ZBTB20: variants seen among roughly 807,000 people sequenced by gnomAD.
ZBTB20 encodes zinc finger and BTB domain containing 20.
A neutral mutation model predicts 56.9 loss-of-function variants in ZBTB20; 9 were observed. The ratio of observed to expected loss-of-function variants is 0.16; its 90% CI spans 0.10 to 0.28. ZBTB20 has a LOEUF of 0.28. ZBTB20 is among the 10% of genes least tolerant of loss of function. The pLI is 1.00. For synonymous variants in ZBTB20, 417 were observed against 420.7 expected, an observed-to-expected ratio of 0.99 and a Z score of 0.11; for missense variants, 655 against 1,003.0, an observed-to-expected ratio of 0.65 and a Z score of 4.69.
intron 4 of ZBTB20, among the ~76,000 whole-genome samples, chr3:114,892,445 T>C (rs919200590): frequency 1.3e-5 from 2 of 152,184 alleles, no homozygotes; most frequent in African/African-American, 4.8e-5. Context: ...TTTTTTGGAT[T>C]TGCATGGTCA....
At chr3:115,129,168 TGAA>T (rs2084429560) in intron 1 of ZBTB20, among the ~76,000 whole-genome samples, 1 of 152,184 alleles carries the variant, frequency 6.6e-6, no homozygotes, top group African/African-American at 2.4e-5. Flanking sequence ...ATAGAGAATC[TGAA>T]GAAGATTAAA....
chr3:114,863,151 C>T (rs952725520), intron 4 of ZBTB20, among the ~76,000 whole-genome samples: 16 of 151,942 alleles, frequency 1.1e-4, no homozygotes, highest in African/African-American at 3.4e-4. Flanking sequence ...TCTGAGTAGC[C>T]AGGAGGACAT....
intron 3 of ZBTB20, among the ~76,000 whole-genome samples, chr3:114,926,082 C>T (rs2076146869): frequency 6.6e-6 from 1 of 152,166 alleles, no homozygotes; most frequent in Non-Finnish European, 1.5e-5. Context: ...CACACAATAT[C>T]CCATCTCTGT....
chr3:114,719,862 T>A (rs1314528193), intron 5 of ZBTB20, among the ~76,000 whole-genome samples: 1 of 151,992 alleles, frequency 6.6e-6, no homozygotes, highest in East Asian at 1.9e-4. Context: ...TTCCTGTCAG[T>A]ATGTCAAATA....
At chr3:114,741,580 C>G (rs747915405) in intron 5 of ZBTB20, among the ~76,000 whole-genome samples, 3 of 151,986 alleles carry the variant, frequency 2.0e-5, no homozygotes, top group African/African-American at 7.3e-5. Flanking sequence ...GGCTTCTCTA[C>G]GACATACAGA....
intron 4 of ZBTB20, among the ~76,000 whole-genome samples, chr3:114,844,534 A>AC (rs1560313138): frequency 1.4e-5 from 2 of 140,232 alleles, no homozygotes; most frequent in Non-Finnish European, 3.1e-5. Flanking sequence ...AAAAAAAAAA[A>AC]AAAAAAAAAA....
At chr3:114,474,081 C>T (rs913348667) in intron 7 of ZBTB20, among the ~76,000 whole-genome samples, 7 of 152,190 alleles carry the variant, frequency 4.6e-5, no homozygotes, top group African/African-American at 1.7e-4. Flanking sequence ...ACCATCAGAT[C>T]TCTTGAGACT....
intron 5 of ZBTB20, among the ~76,000 whole-genome samples, chr3:114,735,727 T>C (rs2066102601): frequency 6.6e-6 from 1 of 152,178 alleles, no homozygotes; most frequent in Non-Finnish European, 1.5e-5. Flanking sequence ...TTATAATAAT[T>C]GTATAACTTA....
intron 5 of ZBTB20, among the ~76,000 whole-genome samples, chr3:114,774,377 C>T (rs1235420273): frequency 6.6e-6 from 1 of 152,138 alleles, no homozygotes; most frequent in Non-Finnish European, 1.5e-5. Flanking sequence ...CTTTTGTCTT[C>T]CATGGAGGCC....
intron 7 of ZBTB20, among the ~76,000 whole-genome samples, chr3:114,402,507 TGCATGCCATATG>T (rs2086911177): frequency 6.6e-6 from 1 of 152,190 alleles, no homozygotes; most frequent in African/African-American, 2.4e-5. Flanking sequence ...TGGTCTTTGC[TGCATGCCATATG>T]GACATGGCTT....
rs140003468 is a variant in ZBTB20 at position 114,336,914 on chromosome 3, A to C, written c.*2091T>G. The C allele has an allele frequency of 2.6e-5, 4 of 152,290 alleles. No individual in the cohort carries two copies. The highest frequency in any genetic ancestry group is 9.6e-5 in the African/African-American group (4 of 41,568). 9.4% of individuals were successfully genotyped at this position (152,290 alleles called of 1,614,324 possible). On this transcript the variant is annotated 3_prime_UTR_variant, in exon 12 of 12. Coordinates refer to ENST00000675478, the MANE Select transcript of ZBTB20 (RefSeq NM_001348800.3). ...TGCCCAGCAATGAAATCACTTTGGGAGTTTCAGCTAGGTTTAAGAATTCCT... is the reference window on the plus strand; with the variant it reads ...TGCCCAGCAATGAAATCACTTTGGGCGTTTCAGCTAGGTTTAAGAATTCCT...
At chr3:114,434,524 T>G (rs1390559455) in intron 7 of ZBTB20, among the ~76,000 whole-genome samples, 1 of 105,682 alleles carries the variant, frequency 9.5e-6, no homozygotes, top group Non-Finnish European at 1.9e-5. Flanking sequence ...TCATGAAGAG[T>G]AGCCTTCTGC....
chr3:114,953,924 A>G (rs1433106738), intron 3 of ZBTB20, among the ~76,000 whole-genome samples: 1 of 152,116 alleles, frequency 6.6e-6, no homozygotes, highest in Non-Finnish European at 1.5e-5. Flanking sequence ...TAACATGAGT[A>G]AGGTTTTTTG....
intron 7 of ZBTB20, among the ~76,000 whole-genome samples, chr3:114,456,112 C>T (rs72950685): frequency 0.052 from 7,831 of 151,970 alleles, 672 homozygotes; most frequent in African/African-American, 0.18. Flanking sequence ...CACAAACCTC[C>T]AATTTCTCAA....
chr3:114,516,922 T>C (rs1315304560), intron 6 of ZBTB20, among the ~76,000 whole-genome samples: 1 of 152,172 alleles, frequency 6.6e-6, no homozygotes, highest in Non-Finnish European at 1.5e-5. Flanking sequence ...AAAATTTCTG[T>C]TGTTTAAGCC....
intron 7 of ZBTB20, among the ~76,000 whole-genome samples, chr3:114,408,118 T>G (rs1171135579): frequency 6.6e-6 from 1 of 152,254 alleles, no homozygotes; most frequent in African/African-American, 2.4e-5. Flanking sequence ...GATGAAATTT[T>G]ACAAAATAAA....
chr3:114,647,678 A>G (rs868458467), intron 6 of ZBTB20, among the ~76,000 whole-genome samples: 1 of 152,214 alleles, frequency 6.6e-6, no homozygotes, highest in Middle Eastern at 3.2e-3. Context: ...ATTATCTATG[A>G]AACCTGTATT....
At chr3:114,455,557 C>G (rs1168215300) in intron 7 of ZBTB20, among the ~76,000 whole-genome samples, 2 of 152,056 alleles carry the variant, frequency 1.3e-5, no homozygotes, top group African/African-American at 4.8e-5. Flanking sequence ...GTGTAGCAGA[C>G]AGATGCTGCA....
chr3:115,137,263 C>G (rs978388230), intron 1 of ZBTB20, among the ~76,000 whole-genome samples: 1 of 151,986 alleles, frequency 6.6e-6, no homozygotes, highest in African/African-American at 2.4e-5. Context: ...TATAGCTTAA[C>G]AGTAAACATT....
Sources: allele counts gnomAD v4.1 joint callset (sites outside exome capture counted in the v4.1 genomes callset), GRCh38; gene constraint gnomAD v4.1.1; transcripts MANE v1.5; gene names NCBI Gene and HGNC (gene_info 2026-07-23, HGNC 2026-07-21).